Variants in UGT1A8 observed in about 807,000 individuals in gnomAD.
The protein encoded by UGT1A8 is UDP-glucuronosyltransferase 1A8.
In UGT1A8, 39 loss-of-function variants were observed where a neutral mutation model predicts 45.3. That is an observed-to-expected ratio of 0.86 (90% CI 0.67 to 1.12). UGT1A8 has a LOEUF of 1.12. Ranked by LOEUF, UGT1A8 falls within the 50% of genes most tolerant of loss-of-function variation. The pLI, the probability that UGT1A8 is intolerant of heterozygous loss-of-function variation, is 0.00. For missense variants in UGT1A8, 719 were observed against 664.9 expected, an observed-to-expected ratio of 1.08 and a Z score of -0.90; for synonymous variants, 275 against 249.2, an observed-to-expected ratio of 1.10 and a Z score of -0.97.
At chr2:233,682,322 A>C in intron 1 of UGT1A8, 4 of 1,614,160 alleles carry the variant, frequency 2.5e-6, no homozygotes, top group Non-Finnish European at 3.4e-6. Flanking sequence ...GAGTTTGTTT[A>C]ATGACCGAAA....
At position 233,754,981 on chromosome 2, in the gene UGT1A8, C is replaced by T. The variant is rs561889596; in HGVS notation, c.856-12053C>T. On this transcript the variant is annotated intron_variant, in intron 1 of 4. Transcript: ENST00000373450. The stretch of plus-strand genomic sequence containing the variant: ...CCAAAGAACTCCCTGAAGACCTCGG[C>T]GGGGTCACGGAAGCTGAAGACCTAC... 29 of 1,295,892 alleles carry T rather than the reference C, an allele frequency of 2.2e-5. No homozygotes were observed. In the African/African-American group the frequency reaches 3.3e-4, roughly 15 times the overall value. The allele number at this position is 1,295,892 out of a possible 1,614,324, so 80.3% of individuals were successfully genotyped here.
rs542881943 is a variant in UGT1A8, at chr2:233,729,093, G to A, written c.856-37941G>A. 7.1e-5 allele frequency: 115 copies of A among 1,612,640 alleles called. 3 individuals carry two copies. In the South Asian group the frequency reaches 1.2e-3, roughly 17 times the overall value. ...AGCAAATGTAGCAGGCACAGCGTGGGGTGGACAGTCAGCTGTCCGTGTCTT... is the reference window on the plus strand; with the variant it reads ...AGCAAATGTAGCAGGCACAGCGTGGAGTGGACAGTCAGCTGTCCGTGTCTT... On this transcript the variant is annotated intron_variant, in intron 1 of 4. Transcript: ENST00000373450.
intron 1 of UGT1A8, among the ~76,000 whole-genome samples, chr2:233,678,137 A>T (rs189489255): frequency 2.5e-4 from 38 of 152,316 alleles, no homozygotes; most frequent in Admixed American, 9.1e-4. Flanking sequence ...GGGCATAAAG[A>T]TGGCAACAAT....
chr2:233,653,412 TA>T lies in UGT1A8; in HGVS notation c.855+34856del, dbSNP rs1177332760. Among the ~76,000 whole-genome samples the T allele has an allele frequency of 4.6e-5, 7 of 152,228 alleles. No homozygotes were observed. In the South Asian group the frequency reaches 1.5e-3, roughly 32 times the overall value. On this transcript the variant is annotated intron_variant, in intron 1 of 4. Transcript: ENST00000373450. ...GAATCATATTCTTAAAGTAATAGGT[TA>T]AAAAAGGAAAAGTATCAATATTTAT...
intron 1 of UGT1A8, chr2:233,755,333 G>C (rs878855763): frequency 6.6e-6 from 3 of 455,150 alleles, no homozygotes; most frequent in South Asian, 1.9e-5. Context: ...CAGCACCCGC[G>C]CACAGGTCAG....
At chr2:233,704,344 G>A (rs192964510) in intron 1 of UGT1A8, among the ~76,000 whole-genome samples, 3 of 135,994 alleles carry the variant, frequency 2.2e-5, no homozygotes, top group Non-Finnish European at 4.6e-5. Context: ...TTAAAAAGTT[G>A]TGTTCTGAGC....
intron 1 of UGT1A8, among the ~76,000 whole-genome samples, chr2:233,736,610 A>G (rs2078784118): frequency 6.6e-6 from 1 of 152,034 alleles, no homozygotes; most frequent in Non-Finnish European, 1.5e-5. Context: ...TGGTTTTTAG[A>G]ATTTTCAGCT....
chr2:233,734,656 T>C (rs2078546605), intron 1 of UGT1A8, among the ~76,000 whole-genome samples: 1 of 152,258 alleles, frequency 6.6e-6, no homozygotes, highest in African/African-American at 2.4e-5. Flanking sequence ...GATTTAATGC[T>C]ATAAATTTCC....
At chr2:233,673,466 A>G (rs551660253) in intron 1 of UGT1A8, among the ~76,000 whole-genome samples, 29 of 152,262 alleles carry the variant, frequency 1.9e-4, no homozygotes, top group Non-Finnish European at 3.1e-4. Context: ...TTACATGAAT[A>G]TATTTCCATA....
At chr2:233,636,739 A>G (rs761034446) in intron 1 of UGT1A8, 3 of 1,614,110 alleles carry the variant, frequency 1.9e-6, no homozygotes, top group South Asian at 1.1e-5. Flanking sequence ...ACTGAATTGC[A>G]CAGTGAAGAC....
At chr2:233,729,480 C>G in intron 1 of UGT1A8, 1 of 1,614,164 alleles carries the variant, frequency 6.2e-7, no homozygotes, top group South Asian at 1.1e-5. Context: ...CAATGTTGAA[C>G]AATATGTCTT....
At chr2:233,641,500 G>T (rs1015661073) in intron 1 of UGT1A8, among the ~76,000 whole-genome samples, 1 of 152,024 alleles carries the variant, frequency 6.6e-6, no homozygotes, top group African/African-American at 2.4e-5. Flanking sequence ...TTTTTGATTT[G>T]TTCATTGTTT....
Position 233,772,326 on chromosome 2 carries a change from C to T in UGT1A8, c.1360C>T (p.Leu454=), listed in dbSNP as rs767264478. The stretch of plus-strand genomic sequence containing the variant: ...GGACCGCCCGGTGGAGCCGCTGGAC[C>T]TGGCCGTGTTCTGGGTGGAGTTTGT... ...HKDRPVEPLD[L]AVFWVEFVMR... The change falls in exon 5 of 5, where the codon CTG becomes TTG. Residue 454 remains leucine, a synonymous_variant. Coordinates refer to ENST00000373450, the MANE Select transcript of UGT1A8 (RefSeq NM_019076.5). 1 of 1,614,166 alleles carries T rather than the reference C, an allele frequency of 6.2e-7. No homozygotes were observed. The highest frequency in any genetic ancestry group is 2.2e-5 in the East Asian group (1 of 44,878).
chr2:233,681,380 A>G (rs1415274445), intron 1 of UGT1A8, among the ~76,000 whole-genome samples: 1 of 151,918 alleles, frequency 6.6e-6, no homozygotes, highest in Non-Finnish European at 1.5e-5. Flanking sequence ...CTAAAATACA[A>G]AAAGTTAGCT....
At chr2:233,627,625 C>CTTCCTTCA (rs1559314012) in intron 1 of UGT1A8, among the ~76,000 whole-genome samples, 5 of 13,824 alleles carry the variant, frequency 3.6e-4, no homozygotes, top group Non-Finnish European at 6.1e-4. Context: ...TCCTTCCTTT[C>CTTCCTTCA]TTCCTTCCTT....
At chr2:233,643,269 T>C (rs1301760102) in intron 1 of UGT1A8, among the ~76,000 whole-genome samples, 1 of 152,170 alleles carries the variant, frequency 6.6e-6, no homozygotes, top group Non-Finnish European at 1.5e-5. Context: ...AACCACAAGA[T>C]GCAGTCCTTC....
chr2:233,754,446 C>A, intron 1 of UGT1A8: 1 of 350,362 alleles, frequency 2.9e-6, no homozygotes, highest in Non-Finnish European at 5.6e-6. Context: ...TTTATAAATT[C>A]TTGGGTACAG....
At chr2:233,663,816 G>C (rs1199042342) in intron 1 of UGT1A8, among the ~76,000 whole-genome samples, 1 of 152,158 alleles carries the variant, frequency 6.6e-6, no homozygotes, top group Admixed American at 6.5e-5. Context: ...CTTTTTCACT[G>C]TCTCAGGCAT....
intron 1 of UGT1A8, among the ~76,000 whole-genome samples, chr2:233,726,343 G>T (rs1236966840): frequency 5.3e-5 from 8 of 152,068 alleles, no homozygotes; most frequent in Non-Finnish European, 7.4e-5. Context: ...GTGGTTTTTT[G>T]ATTTATTTAT....
Sources: allele counts gnomAD v4.1 joint callset (sites outside exome capture counted in the v4.1 genomes callset), GRCh38; gene constraint gnomAD v4.1.1; transcripts MANE v1.5; gene names NCBI Gene and HGNC (gene_info 2026-07-23, HGNC 2026-07-21).